Variants in MEIS1 observed in about 807,000 individuals in gnomAD.
MEIS1 encodes the protein homeobox protein Meis1.
In MEIS1, 5 loss-of-function variants were observed where a neutral mutation model predicts 50.8. The observed-to-expected ratio is 0.10, with a 90% CI of 0.05 to 0.21. The LOEUF is 0.21. Ranked by LOEUF, MEIS1 falls within the 10% of genes least tolerant of loss-of-function variation. The pLI, the probability that MEIS1 is intolerant of heterozygous loss-of-function variation, is 1.00. For missense variants in MEIS1, 318 were observed against 517.3 expected, an observed-to-expected ratio of 0.61 and a Z score of 3.74; for synonymous variants, 176 against 179.3, an observed-to-expected ratio of 0.98 and a Z score of 0.15.
At position 66,536,537 on chromosome 2, in the gene MEIS1, G is replaced by A. The variant is rs559626472; in HGVS notation, c.889-11406G>A. On this transcript the variant is annotated intron_variant, in intron 8 of 12. Coordinates refer to ENST00000272369, the MANE Select transcript of MEIS1 (RefSeq NM_002398.3). Reference sequence around the variant, plus strand: ...TGCGGTTGTTAAGGTGACAGCAAAAGAAAATGAGAACATTGATAAATACTG... The same window carrying A: ...TGCGGTTGTTAAGGTGACAGCAAAAAAAAATGAGAACATTGATAAATACTG... Among the ~76,000 whole-genome samples the A allele has an allele frequency of 9.2e-4, 140 of 152,222 alleles. 1 individual carries two copies. The highest frequency in any genetic ancestry group is 1.7e-3 in the Admixed American group (26 of 15,280).
intron 9 of MEIS1, among the ~76,000 whole-genome samples, chr2:66,550,537 G>C (rs892405324): frequency 6.6e-6 from 1 of 151,972 alleles, no homozygotes; most frequent in Non-Finnish European, 1.5e-5. Context: ...CTGCTCTGTT[G>C]TCCGGGCTGG....
At chr2:66,453,187 A>G (rs1468813649) in intron 6 of MEIS1, among the ~76,000 whole-genome samples, 1 of 151,988 alleles carries the variant, frequency 6.6e-6, no homozygotes, top group Non-Finnish European at 1.5e-5. Context: ...GCATGTAAAG[A>G]ACATGCCAAT....
chr2:66,437,812 G>T lies in MEIS1; in HGVS notation c.88G>T (p.Ala30Ser), dbSNP rs1169211246. The change falls in exon 2 of 13, where the codon GCC becomes TCC. Residue 30 changes from alanine to serine, a missense_variant. This residue lies in a region of MEIS1 where 100 missense variants were observed against 107.1 expected (regional missense o/e 0.93). Transcript: ENST00000272369. Reference sequence around the variant, plus strand: ...CACGATGTATGGGGACCCGCATGCAGCCAGGTCCATGCAGCCGGTCCACCA... The same window carrying T: ...CACGATGTATGGGGACCCGCATGCATCCAGGTCCATGCAGCCGGTCCACCA... ...PSTMYGDPHA[A>S]RSMQPVHHLN... 1.9e-6 allele frequency: 3 copies of T among 1,613,956 alleles called. No individual in the cohort carries two copies. Among genetic ancestry groups the T allele is most frequent in the African/African-American group, 1.3e-5 (1 of 75,036 alleles).
At chr2:66,549,744 C>A (rs2103934835) in intron 9 of MEIS1, among the ~76,000 whole-genome samples, 2 of 152,210 alleles carry the variant, frequency 1.3e-5, no homozygotes, top group African/African-American at 4.8e-5. Context: ...ACGAAAAGCG[C>A]TGTCATTCAG....
chr2:66,443,935 A>C (rs910037718), intron 6 of MEIS1, among the ~76,000 whole-genome samples: 1 of 151,982 alleles, frequency 6.6e-6, no homozygotes, highest in East Asian at 1.9e-4. Flanking sequence ...GACGACTTTT[A>C]TTTGGAATTG....
chr2:66,521,223 C>G (rs184536137), intron 8 of MEIS1, among the ~76,000 whole-genome samples: 1 of 152,230 alleles, frequency 6.6e-6, no homozygotes, highest in African/African-American at 2.4e-5. Context: ...AACTGCTCCT[C>G]CTTCCTTACA....
At chr2:66,504,361 G>T (rs865863539) in intron 7 of MEIS1, among the ~76,000 whole-genome samples, 5 of 152,094 alleles carry the variant, frequency 3.3e-5, no homozygotes, top group Non-Finnish European at 5.9e-5. Context: ...AGCCTCCCGA[G>T]TAGCTGGGAT....
rs558924282 is a variant in MEIS1, at chr2:66,544,454, C to CT, written c.889-3483dup. Among the ~76,000 whole-genome samples the CT allele has an allele frequency of 7.7e-3, 1,168 of 152,118 alleles. 10 individuals carry two copies. Among genetic ancestry groups the CT allele is most frequent in the African/African-American group, 0.027 (1,107 of 41,496 alleles). ...TTCATGTGATTCTAGCAATTACAGA[C>CT]TTTTTTCAGGGAATTGAAAGTTTGT... On this transcript the variant is annotated intron_variant, in intron 8 of 12. Transcript: ENST00000272369.
At chr2:66,498,501 G>C (rs2103823389) in intron 7 of MEIS1, among the ~76,000 whole-genome samples, 1 of 152,274 alleles carries the variant, frequency 6.6e-6, no homozygotes, top group South Asian at 2.1e-4. Context: ...TACAGGTTGA[G>C]GAGATAAAGG....
chr2:66,571,362 G>C lies in MEIS1; in HGVS notation c.*154G>C. ...CCCCCATCCTGCTCAGCTGCGTCAT[G>C]GGCCCCCCATGCATACGTACATTCC... On this transcript the variant is annotated 3_prime_UTR_variant, in exon 13 of 13. Coordinates refer to ENST00000272369, the MANE Select transcript of MEIS1 (RefSeq NM_002398.3). 1 of 1,601,414 alleles carries C rather than the reference G, an allele frequency of 6.2e-7. No homozygotes were observed.
chr2:66,508,947 T>C, intron 7 of MEIS1: 1 of 456,668 alleles, frequency 2.2e-6, no homozygotes, highest in Non-Finnish European at 4.5e-6. Context: ...GCTCCAGGAA[T>C]GAAGTCACTG....
chr2:66,448,136 G>C (rs1672195292), intron 6 of MEIS1, among the ~76,000 whole-genome samples: 1 of 152,158 alleles, frequency 6.6e-6, no homozygotes, highest in Non-Finnish European at 1.5e-5. Flanking sequence ...AGGAAGAAGA[G>C]AAGAGAAGGG....
In MEIS1 at chr2:66,508,562, G is replaced by A. The variant is rs532305788; in HGVS notation, c.743-3587G>A. On this transcript the variant is annotated intron_variant, in intron 7 of 12. Coordinates refer to ENST00000272369, the MANE Select transcript of MEIS1 (RefSeq NM_002398.3). Reference sequence around the variant, plus strand: ...TTGCATATGTGCGGCCTGTGTGTGCGCAGCCCCGGCCGCTGCCTCTGCATA... The same window carrying A: ...TTGCATATGTGCGGCCTGTGTGTGCACAGCCCCGGCCGCTGCCTCTGCATA... Among the ~76,000 whole-genome samples the A allele has an allele frequency of 9.2e-5, 14 of 152,352 alleles. No homozygotes were observed. In the East Asian group the frequency reaches 2.1e-3, roughly 23 times the overall value.
chr2:66,487,590 G>C (rs1268247580), intron 7 of MEIS1, among the ~76,000 whole-genome samples: 1 of 152,184 alleles, frequency 6.6e-6, no homozygotes, highest in Non-Finnish European at 1.5e-5. Flanking sequence ...GGTGATCAGT[G>C]TCTATTTTAA....
chr2:66,567,853 G>A, intron 10 of MEIS1: 1 of 529,774 alleles, frequency 1.9e-6, no homozygotes, highest in East Asian at 3.3e-5. Flanking sequence ...CTGGTGCATG[G>A]CTTGGTGTGG....
At chr2:66,518,693 C>A (rs1477090498) in intron 8 of MEIS1, among the ~76,000 whole-genome samples, 1 of 152,124 alleles carries the variant, frequency 6.6e-6, no homozygotes, top group African/African-American at 2.4e-5. Flanking sequence ...AATTGGAGTA[C>A]CACAAGTATA....
chr2:66,569,248 C>A, intron 12 of MEIS1, 103 bp downstream of exon 12: 1 of 972,338 alleles, frequency 1.0e-6, no homozygotes, highest in South Asian at 1.7e-5. Flanking sequence ...TTGTTCATTC[C>A]TTTCCATTAA....
intron 9 of MEIS1, among the ~76,000 whole-genome samples, chr2:66,548,649 A>G (rs1674848831): frequency 6.6e-6 from 1 of 152,216 alleles, no homozygotes; most frequent in Admixed American, 6.5e-5. Flanking sequence ...GACTCAATGT[A>G]CAGCAGTGTG....
At chr2:66,443,123 ACCT>A in intron 6 of MEIS1, 75 bp downstream of exon 6, 2 of 1,446,678 alleles carry the variant, frequency 1.4e-6, no homozygotes, top group Non-Finnish European at 1.8e-6. Flanking sequence ...GGTCACTACC[ACCT>A]CCTTTTATTA....
Sources: gnomAD v4.1 joint callset for allele counts (sites outside exome capture counted in the v4.1 genomes callset) on GRCh38, gnomAD v4.1.1 for gene constraint, gnomAD v4.1.1 regional missense constraint, MANE v1.5 for transcripts, NCBI Gene and HGNC (gene_info 2026-07-23, HGNC 2026-07-21) for gene names.